Variants in PPL observed in about 807,000 individuals in gnomAD.
PPL encodes periplakin.
In PPL, 198 loss-of-function variants were observed where a neutral mutation model predicts 194.4. The observed-to-expected ratio is 1.02, with a 90% CI of 0.91 to 1.15. The LOEUF (loss-of-function observed/expected upper bound fraction) is 1.15. Ranked by LOEUF, PPL falls within the 50% of genes most tolerant of loss-of-function variation. The probability of loss-of-function intolerance (pLI) is 0.00; values close to 1 mark genes in which losing one functional copy is unlikely to be tolerated. For missense variants in PPL, 2,885 were observed against 2,294.8 expected (o/e 1.26, Z -5.25); for synonymous variants, 1,220 against 972.4 (o/e 1.25, Z -4.74).
At chr16:4,894,422 G>C (rs913927781) in intron 12 of PPL, 45 bp downstream of exon 12, 1 of 1,600,762 alleles carries the variant, frequency 6.2e-7, no homozygotes, top group South Asian at 1.1e-5. Context: ...GAGAAGCCCT[G>C]GGGGTGGGAC....
intron 1 of PPL, among the ~76,000 whole-genome samples, chr16:4,930,386 C>T (rs758896631): frequency 5.9e-5 from 9 of 152,290 alleles, no homozygotes; most frequent in Non-Finnish European, 8.8e-5. Context: ...GCTCAGGCCT[C>T]GCACTCCTTT....
At position 4,929,412 on chromosome 16, in the gene PPL, G is replaced by C. The variant is rs2089200099; in HGVS notation, c.62+7572C>G. 2.0e-5 allele frequency among the ~76,000 whole-genome samples: 3 copies of C among 151,946 alleles called. No homozygotes were observed. The South Asian group carries it at 6.2e-4, about 32-fold the overall frequency. Reference sequence around the variant, plus strand: ...CTTGCCTGCAGGCTCTTCCCACGCTGTGCCCCCCGCCAGCTGTGCCCCACG... The same window carrying C: ...CTTGCCTGCAGGCTCTTCCCACGCTCTGCCCCCCGCCAGCTGTGCCCCACG... On this transcript the variant is annotated intron_variant, in intron 1 of 21. Coordinates refer to ENST00000345988, the MANE Select transcript of PPL (RefSeq NM_002705.5).
At chr16:4,895,510 G>C in intron 10 of PPL, 84 bp downstream of exon 10, 2 of 1,603,578 alleles carry the variant, frequency 1.2e-6, no homozygotes, top group Admixed American at 1.7e-5. Flanking sequence ...TGCTGTGGAG[G>C]GGCCTGTACA....
Position 4,884,294 on chromosome 16 carries a change from T to C in PPL, c.4361A>G (p.Gln1454Arg), listed in dbSNP as rs371698323. 1 of 1,611,094 alleles carries C rather than the reference T, an allele frequency of 6.2e-7. No homozygotes were observed. The highest frequency in any genetic ancestry group is 1.3e-5 in the African/African-American group (1 of 74,820). ...GAGCAGGGCATGCTCTCGCGCCTGC[T>C]GCGGGTCCTGCTGCAGCACCACCTT... ...TQKVVLQQDP[Q>R]QAREHALLRL... Residue 1454 changes from glutamine to arginine, a missense_variant, in exon 22 of 22, where the codon CAG becomes CGG. Transcript: ENST00000345988. This position sits in a 1 kb window ranked among gnomAD's most constrained non-coding sequence, Gnocchi z 5.7.
At chr16:4,890,596 C>T (rs1040767910) in intron 17 of PPL, 132 bp downstream of exon 17, 9 of 1,159,010 alleles carry the variant, frequency 7.8e-6, no homozygotes, top group South Asian at 4.9e-5. Flanking sequence ...ACCACAGGGC[C>T]GTCAGAGAAT....
chr16:4,895,163 G>A, intron 11 of PPL, 98 bp downstream of exon 11: 1 of 1,404,544 alleles, frequency 7.1e-7, no homozygotes, highest in Middle Eastern at 1.8e-4. Context: ...CACGGAGACA[G>A]GCACAGGCTC....
At chr16:4,934,179 A>C (rs757661397) in intron 1 of PPL, among the ~76,000 whole-genome samples, 1 of 152,156 alleles carries the variant, frequency 6.6e-6, no homozygotes, top group Non-Finnish European at 1.5e-5. Context: ...CTCAGGTGTG[A>C]ACATCAACTC....
At chr16:4,898,486 A>G (rs952690676) in intron 8 of PPL, among the ~76,000 whole-genome samples, 1 of 152,182 alleles carries the variant, frequency 6.6e-6, no homozygotes, top group Non-Finnish European at 1.5e-5. Context: ...GGTGAGCCCT[A>G]AATCCACTGA....
chr16:4,909,424 C>CTTTT (rs199792362), intron 2 of PPL, among the ~76,000 whole-genome samples: 31 of 118,232 alleles, frequency 2.6e-4, no homozygotes, highest in African/African-American at 8.7e-4. Flanking sequence ...CTGGTCCCAC[C>CTTTT]TTTTTTTTTT....
In PPL at chr16:4,885,390, C is replaced by G. The variant is rs369371079; in HGVS notation, c.3265G>C (p.Glu1089Gln). The G allele has an allele frequency of 6.2e-7, 1 of 1,612,932 alleles. No individual in the cohort carries two copies. The highest frequency in any genetic ancestry group is 2.2e-5 in the East Asian group (1 of 44,870). Residue 1089 changes from glutamate (E) to glutamine (Q), a missense_variant, in exon 22 of 22, where the codon GAG becomes CAG. Glu to Gln is a conservative substitution (Grantham distance 29). Transcript: ENST00000345988. The surrounding 1 kb of genome is among the most constrained non-coding windows in gnomAD (Gnocchi z 6.3). Reference sequence around the variant, plus strand: ...TTGTCCTGGAGGAAGCTCAGCTCCTCCTCCTGCTTCTCCCTGAGCTGGTCC... The same window carrying G: ...TTGTCCTGGAGGAAGCTCAGCTCCTGCTCCTGCTTCTCCCTGAGCTGGTCC... ...RQDQLREKQE[E>Q]ELSFLQDKLK...
At chr16:4,895,130 A>G in intron 11 of PPL, 131 bp downstream of exon 11, 2 of 1,175,744 alleles carry the variant, frequency 1.7e-6, no homozygotes, top group South Asian at 3.5e-5. Context: ...CACCAGGGGA[A>G]GGGTTGGCAG....
At chr16:4,934,013 CCATCCCA>C (rs1373620146) in intron 1 of PPL, among the ~76,000 whole-genome samples, 1 of 152,234 alleles carries the variant, frequency 6.6e-6, no homozygotes, top group African/African-American at 2.4e-5. Context: ...GTGCTTATTC[CCATCCCA>C]CAGGTGAGAA....
chr16:4,911,018 C>T, intron 1 of PPL, 69 bp from the exon 2 acceptor site: 1 of 1,309,330 alleles, frequency 7.6e-7, no homozygotes. Flanking sequence ...CCACCAGCAC[C>T]CCATCCTCTG....
intron 11 of PPL, 77 bp downstream of exon 11, chr16:4,895,184 C>T (rs1356005220): frequency 5.5e-6 from 8 of 1,466,508 alleles, no homozygotes; most frequent in African/African-American, 1.4e-5. Flanking sequence ...CTGAGAACGG[C>T]GCCTGAGGCC....
chr16:4,907,981 C>A (rs951307517), intron 2 of PPL, among the ~76,000 whole-genome samples: 1 of 151,322 alleles, frequency 6.6e-6, no homozygotes, highest in Non-Finnish European at 1.5e-5. Flanking sequence ...TGATGAAACC[C>A]CATCTCTACT....
intron 9 of PPL, among the ~76,000 whole-genome samples, chr16:4,897,332 CAAA>C (rs57191109): frequency 1.1e-4 from 6 of 53,420 alleles, no homozygotes; most frequent in East Asian, 7.1e-4. Context: ...AAGACTCTCT[CAAA>C]AAAAAAAAAA....
chr16:4,893,502 G>A (rs557676489), intron 13 of PPL, 39 bp downstream of exon 13: 1 of 1,605,870 alleles, frequency 6.2e-7, no homozygotes, highest in South Asian at 1.1e-5. Context: ...CTCCTCCCCG[G>A]TACCCCCAGA....
Position 4,890,187 on chromosome 16 carries a change from C to T in PPL, c.2310G>A (p.Gln770=), listed in dbSNP as rs759557656. 1.1e-5 allele frequency: 18 copies of T among 1,614,196 alleles called. 1 individual carries two copies. The Admixed American group carries it at 3.0e-4, about 27-fold the overall frequency. ...GCTGCGGAAACGGCCATCTCACCTT[C>T]TGGTTCTTCAGCTTGGTCTCCATCT... ...LSQMETKLKN[Q]KNLLDEIASR... is the part of the protein sequence containing the mutation. The change falls in exon 18 of 22, where the codon CAG becomes CAA. Residue 770 remains glutamine, a synonymous_variant. Transcript: ENST00000345988.
chr16:4,933,898 A>G (rs889248869), intron 1 of PPL, among the ~76,000 whole-genome samples: 1 of 152,234 alleles, frequency 6.6e-6, no homozygotes, highest in African/African-American at 2.4e-5. Context: ...TTTGCTTAAT[A>G]ACTGTAATCG....
Sources: gnomAD v4.1 joint callset for allele counts (sites outside exome capture counted in the v4.1 genomes callset) on GRCh38, gnomAD v4.1.1 for gene constraint, Gnocchi (gnomAD v3.1) non-coding constraint, MANE v1.5 for transcripts, NCBI Gene and HGNC (gene_info 2026-07-23, HGNC 2026-07-21) for gene names.